Variants in SHANK2 observed in about 807,000 individuals in gnomAD.
SHANK2 encodes SH3 and multiple ankyrin repeat domains protein 2.
In SHANK2, 43 loss-of-function variants were observed where a neutral mutation model predicts 133.7. The observed-to-expected ratio is 0.32, with a 90% CI of 0.25 to 0.41. SHANK2 has a LOEUF of 0.41. Ranked by LOEUF, SHANK2 falls within the 10% of genes least tolerant of loss-of-function variation. The probability of loss-of-function intolerance (pLI) is 1.00; values close to 1 mark genes in which losing one functional copy is unlikely to be tolerated. For synonymous variants in SHANK2, 1,017 were observed against 952.8 expected, an observed-to-expected ratio of 1.07 and a Z score of -1.24; for missense variants, 1,994 against 2,235.8, an observed-to-expected ratio of 0.89 and a Z score of 2.18.
At chr11:70,575,772 C>T (rs540076079) in intron 17 of SHANK2, among the ~76,000 whole-genome samples, 1 of 151,678 alleles carries the variant, frequency 6.6e-6, no homozygotes, top group East Asian at 2.0e-4. Context: ...TGACTGGCTT[C>T]TGCATAGCCC....
chr11:70,892,562 G>A (rs1555074910), intron 11 of SHANK2, among the ~76,000 whole-genome samples: 1 of 152,204 alleles, frequency 6.6e-6, no homozygotes, highest in African/African-American at 2.4e-5. Flanking sequence ...TGGTTGAAAG[G>A]ACAGGTTCTC....
Position 71,210,210 on chromosome 11 carries a change from GTATATATATATATATATATA to G in SHANK2, c.-13+14467_-13+14486del, listed in dbSNP as rs71049962. On this transcript the variant is annotated intron_variant, in intron 2 of 25. Coordinates refer to ENST00000601538, the MANE Select transcript of SHANK2 (RefSeq NM_012309.5). ...GGTCCTCTTCATTGGAAATCCACAG[GTATATATATATATATATATA>G]TATATATATATATATATATATATTT... Among the ~76,000 whole-genome samples the G allele has an allele frequency of 6.8e-3, 366 of 54,062 alleles. 19 individuals carry two copies. In the East Asian group the frequency reaches 0.11, roughly 16 times the overall value. 35.5% of individuals were successfully genotyped at this position (54,062 alleles called of 152,430 possible). A position where few individuals can be genotyped will look rare whatever the true frequency, so the allele number is the denominator to read the frequency against.
intron 14 of SHANK2, among the ~76,000 whole-genome samples, chr11:70,733,561 G>C (rs1218868886): frequency 6.6e-6 from 1 of 152,230 alleles, no homozygotes; most frequent in African/African-American, 2.4e-5. Flanking sequence ...TCCATTCATG[G>C]GGGTACTGTC....
chr11:70,572,068 G>A (rs538288104), intron 17 of SHANK2, among the ~76,000 whole-genome samples: 6 of 152,300 alleles, frequency 3.9e-5, no homozygotes, highest in African/African-American at 1.2e-4. Flanking sequence ...GTGAGAAGGC[G>A]GCCATCTCCA....
At position 70,551,577 on chromosome 11, in the gene SHANK2, G is replaced by C. The variant is rs576470153; in HGVS notation, c.2062-48646C>G. Reference sequence around the variant, plus strand: ...ATTCCAGGCATGGCTGCTTCCTCAGGCTGACTCAGTGGTTTTTTTCACTCA... The same window carrying C: ...ATTCCAGGCATGGCTGCTTCCTCAGCCTGACTCAGTGGTTTTTTTCACTCA... On this transcript the variant is annotated intron_variant, in intron 17 of 25. Coordinates refer to ENST00000601538, the MANE Select transcript of SHANK2 (RefSeq NM_012309.5). Among the ~76,000 whole-genome samples, 790 of 152,328 alleles carry C rather than the reference G, an allele frequency of 5.2e-3. 6 individuals are homozygous for C. Among genetic ancestry groups the C allele is most frequent in the African/African-American group, 0.018 (749 of 41,576 alleles).
At chr11:71,217,890 G>C (rs901238347) in intron 2 of SHANK2, among the ~76,000 whole-genome samples, 2 of 152,088 alleles carry the variant, frequency 1.3e-5, no homozygotes, top group Non-Finnish European at 2.9e-5. Context: ...TCGCTCTGTC[G>C]CCCAGGCTGG....
rs183785577 is a variant in SHANK2 at position 71,129,032 on chromosome 11, C to T, written c.208-10000G>A. 2.0e-5 allele frequency among the ~76,000 whole-genome samples: 3 copies of T among 152,330 alleles called. No individual in the cohort carries two copies. The East Asian group carries it at 5.8e-4, about 29-fold the overall frequency. On this transcript the variant is annotated intron_variant, in intron 3 of 25. Transcript: ENST00000601538. Reference sequence around the variant, plus strand: ...TCTCTTGACTCCATGATCCATCCGCCTCGGCCTCCCAAAGTGCTGGGATTA... The same window carrying T: ...TCTCTTGACTCCATGATCCATCCGCTTCGGCCTCCCAAAGTGCTGGGATTA...
chr11:71,193,296 T>C (rs530784135), intron 2 of SHANK2, among the ~76,000 whole-genome samples: 32 of 152,288 alleles, frequency 2.1e-4, no homozygotes, highest in African/African-American at 5.5e-4. Context: ...ATCAGAGCCT[T>C]GCAGCAATTC....
chr11:70,857,476 G>A (rs1316820669), intron 11 of SHANK2, among the ~76,000 whole-genome samples: 1 of 152,182 alleles, frequency 6.6e-6, no homozygotes, highest in African/African-American at 2.4e-5. Context: ...GTGCCCAACA[G>A]ATGACTGCTG....
chr11:70,884,083 G>C (rs975600152), intron 11 of SHANK2, among the ~76,000 whole-genome samples: 2 of 152,224 alleles, frequency 1.3e-5, no homozygotes, highest in African/African-American at 4.8e-5. Context: ...TGGATGCAGA[G>C]AGCAAGAGGA....
intron 11 of SHANK2, among the ~76,000 whole-genome samples, chr11:70,895,762 C>T (rs1555075580): frequency 1.3e-5 from 2 of 152,104 alleles, no homozygotes; most frequent in Non-Finnish European, 2.9e-5. Flanking sequence ...TTTGTTTCAG[C>T]AATCAAGAGC....
chr11:70,746,512 C>T (rs537466166), intron 14 of SHANK2, among the ~76,000 whole-genome samples: 2 of 150,906 alleles, frequency 1.3e-5, no homozygotes, highest in East Asian at 4.0e-4. Context: ...CGGGGTGCCC[C>T]GTGCTCACAG....
intron 17 of SHANK2, among the ~76,000 whole-genome samples, chr11:70,648,372 C>G (rs967330760): frequency 1.3e-5 from 2 of 152,150 alleles, no homozygotes; most frequent in Non-Finnish European, 2.9e-5. Context: ...GTATTACTAA[C>G]AGACACATAT....
At chr11:70,825,242 G>A (rs1034150388) in intron 11 of SHANK2, among the ~76,000 whole-genome samples, 4 of 152,126 alleles carry the variant, frequency 2.6e-5, no homozygotes, top group Non-Finnish European at 5.9e-5. Flanking sequence ...TAAAAGAACA[G>A]AACAGATACA....
intron 2 of SHANK2, among the ~76,000 whole-genome samples, chr11:71,171,382 C>A (rs190863566): frequency 2.0e-4 from 31 of 152,298 alleles, no homozygotes; most frequent in African/African-American, 7.2e-4. Context: ...GGCCAGAGCA[C>A]CCGAGGGGAA....
chr11:70,512,501 G>T (rs573823069), intron 17 of SHANK2, among the ~76,000 whole-genome samples: 3 of 152,144 alleles, frequency 2.0e-5, no homozygotes, highest in Admixed American at 6.5e-5. Flanking sequence ...TGTACATTTT[G>T]TTCTCCCTAG....
intron 11 of SHANK2, among the ~76,000 whole-genome samples, chr11:70,884,790 G>A (rs1366981333): frequency 2.6e-5 from 4 of 152,096 alleles, no homozygotes; most frequent in Admixed American, 2.0e-4. Flanking sequence ...GCGCGATTTC[G>A]GCTCACTGCA....
At chr11:70,632,347 G>C (rs868948129) in intron 17 of SHANK2, among the ~76,000 whole-genome samples, 3 of 151,830 alleles carry the variant, frequency 2.0e-5, no homozygotes, top group Middle Eastern at 6.8e-3. Context: ...GGATGGTCTC[G>C]ATCTCCTGAC....
chr11:70,835,723 G>A (rs1948804241), intron 11 of SHANK2, among the ~76,000 whole-genome samples: 1 of 152,174 alleles, frequency 6.6e-6, no homozygotes, highest in African/African-American at 2.4e-5. Flanking sequence ...GCTTGGTGGT[G>A]GAAGATGTGA....
Sources: allele counts gnomAD v4.1 joint callset (sites outside exome capture counted in the v4.1 genomes callset), GRCh38; gene constraint gnomAD v4.1.1; transcripts MANE v1.5; gene names NCBI Gene and HGNC (gene_info 2026-07-23, HGNC 2026-07-21).